HGF: variants seen among roughly 807,000 people sequenced by gnomAD.
HGF encodes fibroblast-derived tumor cytotoxic factor.
A neutral mutation model predicts 111.6 loss-of-function variants in HGF; 39 were observed. The observed-to-expected ratio is 0.35, with a 90% CI of 0.27 to 0.46. The LOEUF (loss-of-function observed/expected upper bound fraction) is 0.46, where lower values mean the gene tolerates loss of function less well. Among genes scored for constraint, HGF ranks in the 20% least tolerant of loss-of-function variants. The pLI is 1.00. For synonymous variants in HGF, 285 were observed against 294.8 expected (o/e 0.97, Z 0.34); for missense variants, 735 against 910.5 (o/e 0.81, Z 2.48).
At chr7:81,750,988 G>C in intron 5 of HGF, 1 of 972,076 alleles carries the variant, frequency 1.0e-6, no homozygotes, top group Non-Finnish European at 1.2e-6. Context: ...TGGAAAGTAA[G>C]AATTTACAAA....
chr7:81,733,075 G>A (rs1287489166), intron 7 of HGF, among the ~76,000 whole-genome samples: 2 of 151,868 alleles, frequency 1.3e-5, no homozygotes, highest in Non-Finnish European at 2.9e-5. Flanking sequence ...ATGCTGAATA[G>A]GTTTTTTTCT....
Position 81,752,251 on chromosome 7 carries a change from G to A in HGF, c.494C>T (p.Ser165Leu), listed in dbSNP as rs370760302. 3.3e-5 allele frequency: 54 copies of A among 1,613,106 alleles called. No individual in the cohort carries two copies. The highest frequency in any genetic ancestry group is 4.2e-5 in the Non-Finnish European group (50 of 1,179,336). ...MIPHEHSFLPSSYRGKDLQEN... is the reference protein window; with the variant it reads ...MIPHEHSFLPLSYRGKDLQEN... Reference sequence around the variant, plus strand: ...CTGTAGGTCTTTACCCCGATAGCTCGAAGGCAAAAAGCTAGTTTTAAAATG... The same window carrying A: ...CTGTAGGTCTTTACCCCGATAGCTCAAAGGCAAAAAGCTAGTTTTAAAATG... Residue 165 changes from serine to leucine, a missense_variant, in exon 5 of 18, where the codon TCG becomes TTG. Transcript: ENST00000222390.
At chr7:81,743,027 C>A in intron 7 of HGF, 1 of 1,206,858 alleles carries the variant, frequency 8.3e-7, no homozygotes, top group Non-Finnish European at 1.2e-6. Context: ...CCCCTAATGA[C>A]TTTGTGATGC....
chr7:81,757,381 C>A lies in HGF; in HGVS notation c.368-78G>T, dbSNP rs1350967152. The A allele has an allele frequency of 1.7e-5, 13 of 761,730 alleles. No homozygotes were observed. The South Asian group carries it at 1.9e-4, about 11-fold the overall frequency. 47.2% of individuals were successfully genotyped at this position (761,730 alleles called of 1,614,324 possible). On this transcript the variant is annotated intron_variant, in intron 3 of 17. Transcript: ENST00000222390. ...TTTAAGAAAAAAATTCCGTTCAAAC[C>A]TGTAAGTAATTAACTCTTGTAAACT...
chr7:81,745,204 GT>G (rs1453793226), intron 5 of HGF, 84 bp from the exon 6 acceptor site: 1 of 1,421,598 alleles, frequency 7.0e-7, no homozygotes, highest in Admixed American at 1.7e-5. Context: ...AACAGCACCT[GT>G]TTAGTAAACA....
At chr7:81,748,704 C>T (rs1414912810) in intron 5 of HGF, among the ~76,000 whole-genome samples, 1 of 140,564 alleles carries the variant, frequency 7.1e-6, no homozygotes, top group Non-Finnish European at 1.6e-5. Context: ...AAGCTAACTA[C>T]TGCCCTAGAT....
intron 6 of HGF, 36 bp downstream of exon 6, chr7:81,744,964 A>G (rs372840589): frequency 2.5e-6 from 4 of 1,610,168 alleles, no homozygotes; most frequent in Non-Finnish European, 3.4e-6. Context: ...TAGTTTGTAA[A>G]AGAATCACTG....
chr7:81,738,343 C>T (rs958104748), intron 7 of HGF, among the ~76,000 whole-genome samples: 2 of 152,140 alleles, frequency 1.3e-5, no homozygotes, highest in Non-Finnish European at 2.9e-5. Flanking sequence ...CAGAGAAAAA[C>T]ATAAAAAAAT....
intron 6 of HGF, among the ~76,000 whole-genome samples, chr7:81,743,787 T>C (rs1490686597): frequency 6.6e-6 from 1 of 152,180 alleles, no homozygotes; most frequent in African/African-American, 2.4e-5. Context: ...CATGACTTCA[T>C]GTAGAATGCT....
chr7:81,768,194 G>A (rs545382813), intron 1 of HGF, among the ~76,000 whole-genome samples: 16 of 152,220 alleles, frequency 1.1e-4, no homozygotes, highest in Admixed American at 2.6e-4. Context: ...CACTGCCTAC[G>A]GTTGATCTAC....
In HGF at chr7:81,702,185, T is replaced by A. The variant is rs182057547; in HGVS notation, c.*396A>T. 3.0e-3 allele frequency: 712 copies of A among 238,184 alleles called. 4 individuals are homozygous for A. The highest frequency in any genetic ancestry group is 4.6e-3 in the Non-Finnish European group (560 of 120,916). The allele number at this position is 238,184 out of a possible 1,614,324, so 14.8% of individuals were successfully genotyped here. ...ATTTAGGGACACAAGGTATAAATTGTTTTGGTGAGGTTAAAATAACATTTA... is the reference window on the plus strand; with the variant it reads ...ATTTAGGGACACAAGGTATAAATTGATTTGGTGAGGTTAAAATAACATTTA... On this transcript the variant is annotated 3_prime_UTR_variant, in exon 18 of 18. Transcript: ENST00000222390.
intron 12 of HGF, among the ~76,000 whole-genome samples, chr7:81,710,701 AAT>A (rs1407187450): frequency 2.6e-5 from 4 of 152,240 alleles, no homozygotes; most frequent in Non-Finnish European, 5.9e-5. Context: ...AGATTTATTC[AAT>A]ATGTCTTACC....
At chr7:81,742,558 A>G (rs1788047747) in intron 7 of HGF, 2 of 288,186 alleles carry the variant, frequency 6.9e-6, no homozygotes, top group South Asian at 1.6e-4. Flanking sequence ...TTTAATATCC[A>G]GTTGAAAAAA....
intron 1 of HGF, among the ~76,000 whole-genome samples, chr7:81,767,902 C>T (rs1039496311): frequency 2.0e-5 from 3 of 151,942 alleles, no homozygotes; most frequent in African/African-American, 7.3e-5. Flanking sequence ...AAGAGGCTAC[C>T]CATATTTTTT....
chr7:81,737,200 T>G (rs896295471), intron 7 of HGF, among the ~76,000 whole-genome samples: 1 of 151,816 alleles, frequency 6.6e-6, no homozygotes, highest in Middle Eastern at 3.4e-3. Context: ...ACTGGGCAAA[T>G]AATAGAGCCT....
At position 81,731,473 on chromosome 7, in the gene HGF, G is replaced by A. The variant is rs576687587; in HGVS notation, c.866-1694C>T. 4.6e-5 allele frequency among the ~76,000 whole-genome samples: 7 copies of A among 152,232 alleles called. No individual in the cohort carries two copies. In the East Asian group the frequency reaches 1.4e-3, roughly 29 times the overall value. Reference sequence around the variant, plus strand: ...TGATGATATATATTGATTTTAGGAAGAACAAAAATTATTGGACTTGGGGAA... The same window carrying A: ...TGATGATATATATTGATTTTAGGAAAAACAAAAATTATTGGACTTGGGGAA... On this transcript the variant is annotated intron_variant, in intron 7 of 17. Coordinates refer to ENST00000222390, the MANE Select transcript of HGF (RefSeq NM_000601.6).
rs1789455526 is a variant in HGF, at chr7:81,707,355, A to G, written c.1551T>C (p.His517=). The G allele has an allele frequency of 1.3e-6, 2 of 1,590,982 alleles. No individual in the cohort carries two copies. Among genetic ancestry groups the G allele is most frequent in the South Asian group, 1.1e-5 (1 of 90,608 alleles). Reference sequence around the variant, plus strand: ...CCTTTATCAATGATCCTCCGCAGATATGTTTATTTCTGTGAAAAAGAGGAA... The same window carrying G: ...CCTTTATCAATGATCCTCCGCAGATGTGTTTATTTCTGTGAAAAAGAGGAA... ...WMVSLRYRNK[H]ICGGSLIKES... is the part of the protein sequence containing the mutation. Residue 517 remains histidine, a synonymous_variant, in exon 14 of 18, where the codon CAT becomes CAC. Transcript: ENST00000222390.
intron 5 of HGF, among the ~76,000 whole-genome samples, chr7:81,745,733 C>T (rs560773137): frequency 3.3e-5 from 5 of 152,294 alleles, no homozygotes; most frequent in Admixed American, 3.3e-4. Flanking sequence ...GTTTACATTC[C>T]TGTCTGGCTT....
rs1303191556 is a variant in HGF at position 81,706,431 on chromosome 7, T to C, written c.1617-4A>G. ...AGCTTCATAATCTTTCAAGTCTCTG[T>C]TTTGAAGGAAAAAAATTTAAATGTA... is the stretch of plus-strand genomic sequence containing the variant. On this transcript the variant is annotated splice_region_variant and splice_polypyrimidine_tract_variant and intron_variant, in intron 14 of 17. Transcript: ENST00000222390. 2 of 1,608,742 alleles carry C rather than the reference T, an allele frequency of 1.2e-6. No individual in the cohort carries two copies. Among genetic ancestry groups the C allele is most frequent in the Middle Eastern group, 1.7e-4 (1 of 6,044 alleles).
Sources: allele counts gnomAD v4.1 joint callset (sites outside exome capture counted in the v4.1 genomes callset), GRCh38; gene constraint gnomAD v4.1.1; transcripts MANE v1.5; gene names NCBI Gene and HGNC (gene_info 2026-07-23, HGNC 2026-07-21).